Variants in GALNT5 observed in about 807,000 individuals in gnomAD.
GALNT5 encodes the protein polypeptide N-acetylgalactosaminyltransferase 5, also known as UDP-GalNAc:polypeptide N-acetylgalactosaminyltransferase 5.
A neutral mutation model predicts 85.4 loss-of-function variants in GALNT5; 72 were observed. The observed-to-expected ratio is 0.84, with a 90% CI of 0.70 to 1.03. The LOEUF (loss-of-function observed/expected upper bound fraction) is 1.03. Among genes scored for constraint, GALNT5 ranks in the 50% least tolerant of loss-of-function variants. The pLI, the probability that GALNT5 is intolerant of heterozygous loss-of-function variation, is 0.00. For synonymous variants in GALNT5, 404 were observed against 397.0 expected (o/e 1.02, Z -0.21); for missense variants, 1,137 against 1,135.5 (o/e 1.00, Z -0.02).
At chr2:157,301,910 T>C (rs917288596) in intron 7 of GALNT5, among the ~76,000 whole-genome samples, 1 of 152,146 alleles carries the variant, frequency 6.6e-6, no homozygotes, top group African/African-American at 2.4e-5. Context: ...AGTACAAGGC[T>C]GAGAAAACAT....
At chr2:157,272,220 T>C (rs1682604710) in intron 1 of GALNT5, among the ~76,000 whole-genome samples, 1 of 152,158 alleles carries the variant, frequency 6.6e-6, no homozygotes, top group South Asian at 2.1e-4. Context: ...AATATGATTC[T>C]GTCCATGTCT....
intron 1 of GALNT5, among the ~76,000 whole-genome samples, chr2:157,275,518 T>C (rs1682703617): frequency 6.6e-6 from 1 of 152,226 alleles, no homozygotes; most frequent in African/African-American, 2.4e-5. Context: ...TGGTTTGTAT[T>C]TCTCCTTGAA....
intron 1 of GALNT5, among the ~76,000 whole-genome samples, chr2:157,267,170 T>C (rs945781028): frequency 3.5e-4 from 53 of 151,430 alleles, no homozygotes; most frequent in African/African-American, 1.2e-3. Flanking sequence ...CCTGAAAGAG[T>C]AGAGAGTCAG....
Position 157,317,193 on chromosome 2 carries a change from TA to T in GALNT5, c.*5846del, listed in dbSNP as rs1183918015. ...GTGTGTGTATATATATATATATATA[TA>T]TATATTTTTTTTTTTGATGCTTTGA... On this transcript the variant is annotated 3_prime_UTR_variant, in exon 10 of 10. Transcript: ENST00000259056. Among the ~76,000 whole-genome samples the T allele has an allele frequency of 0.021, 2,916 of 139,146 alleles. 76 individuals are homozygous for T. Among genetic ancestry groups the T allele is most frequent in the African/African-American group, 0.076 (2,736 of 35,780 alleles). The allele number at this position is 139,146 out of a possible 152,430, so 91.3% of individuals were successfully genotyped here. A position where few individuals can be genotyped will look rare whatever the true frequency, so the allele number is the denominator to read the frequency against.
intron 1 of GALNT5, among the ~76,000 whole-genome samples, chr2:157,275,794 T>C (rs1425480218): frequency 6.6e-6 from 1 of 152,206 alleles, no homozygotes; most frequent in Non-Finnish European, 1.5e-5. Flanking sequence ...GACTTCTTCT[T>C]TTCCTAATTG....
At chr2:157,262,024 T>A (rs1682352524) in intron 1 of GALNT5, among the ~76,000 whole-genome samples, 1 of 152,114 alleles carries the variant, frequency 6.6e-6, no homozygotes, top group Non-Finnish European at 1.5e-5. Flanking sequence ...ACTGTAAGAA[T>A]ACAGGAGGGC....
At chr2:157,273,630 C>CTGTTTTTT (rs1682644900) in intron 1 of GALNT5, among the ~76,000 whole-genome samples, 1 of 23,750 alleles carries the variant, frequency 4.2e-5, no homozygotes, top group African/African-American at 3.3e-4. Context: ...ATATTTCTTG[C>CTGTTTTTT]TTTTTTTTTT....
At chr2:157,275,494 A>G (rs1433004358) in intron 1 of GALNT5, among the ~76,000 whole-genome samples, 1 of 150,862 alleles carries the variant, frequency 6.6e-6, no homozygotes, top group Non-Finnish European at 1.5e-5. Context: ...TTTGTGTCCT[A>G]TTTCATTGAG....
Position 157,317,198 on chromosome 2 carries a change from A to ATTT in GALNT5, c.*5859_*5861dup, listed in dbSNP as rs1288089376. Among the ~76,000 whole-genome samples, 115 of 132,972 alleles carry ATTT rather than the reference A, an allele frequency of 8.6e-4. 1 individual carries two copies. The highest frequency in any genetic ancestry group is 2.9e-3 in the African/African-American group (102 of 35,570). 87.2% of individuals were successfully genotyped at this position (132,972 alleles called of 152,430 possible). A position where few individuals can be genotyped will look rare whatever the true frequency, so the allele number is the denominator to read the frequency against. ...TGTATATATATATATATATATATAT[A>ATTT]TTTTTTTTTTTGATGCTTTGATCTG... On this transcript the variant is annotated 3_prime_UTR_variant, in exon 10 of 10. Coordinates refer to ENST00000259056, the MANE Select transcript of GALNT5 (RefSeq NM_014568.3).
Position 157,258,535 on chromosome 2 carries a change from T to C in GALNT5, c.453T>C (p.Pro151=), listed in dbSNP as rs140329035. The part of the protein sequence containing the change: ...KQKTDGRGTK[P]EASSHQGTPK... ...AGACAGACGGGAGAGGCACCAAACC[T>C]GAAGCCTCCTCTCACCAGGGGACAC... The change falls in exon 1 of 10, where the codon CCT becomes CCC. Residue 151 remains proline (P), a synonymous_variant. Transcript: ENST00000259056. 3.6e-4 allele frequency: 588 copies of C among 1,612,746 alleles called. 1 individual carries two copies. The African/African-American group carries it at 6.8e-3, about 19-fold the overall frequency.
rs193224914 is a variant in GALNT5 at position 157,290,389 on chromosome 2, T to C, written c.1741+4255T>C. ...TACATCCAATGCTGGGAAGTACACC[T>C]GTCCCCTGTGGGGAATTCAAGGCAA... is the stretch of plus-strand genomic sequence containing the variant. On this transcript the variant is annotated intron_variant, in intron 3 of 9. Transcript: ENST00000259056. Among the ~76,000 whole-genome samples, 2 of 152,138 alleles carry C rather than the reference T, an allele frequency of 1.3e-5. 1 individual carries two copies. The highest frequency in any genetic ancestry group is 3.9e-4 in the East Asian group (2 of 5,154).
Position 157,312,111 on chromosome 2 carries a change from A to T in GALNT5, c.*763A>T, listed in dbSNP as rs1052091210. On this transcript the variant is annotated 3_prime_UTR_variant, in exon 10 of 10. Transcript: ENST00000259056. Reference sequence around the variant, plus strand: ...CCAATAACTTCCTAGATTCATGTGGATTTTTTTTAAGGCAATGAAAAAAGG... The same window carrying T: ...CCAATAACTTCCTAGATTCATGTGGTTTTTTTTTAAGGCAATGAAAAAAGG... 2.6e-5 allele frequency: 4 copies of T among 151,896 alleles called. No individual in the cohort carries two copies. The highest frequency in any genetic ancestry group is 4.4e-5 in the Non-Finnish European group (3 of 67,946). 9.4% of individuals were successfully genotyped at this position (151,896 alleles called of 1,614,324 possible).
chr2:157,262,029 G>A (rs1682352596), intron 1 of GALNT5, among the ~76,000 whole-genome samples: 1 of 152,108 alleles, frequency 6.6e-6, no homozygotes, highest in Non-Finnish European at 1.5e-5. Flanking sequence ...AAGAATACAG[G>A]AGGGCTAGCT....
At position 157,269,780 on chromosome 2, in the gene GALNT5, G is replaced by C. The variant is rs146590546; in HGVS notation, c.1454+10244G>C. ...AAAACTCTACTAATTTAAAATATAG[G>C]AAGAGTCATTTGCATGAGCCTGCTT... On this transcript the variant is annotated intron_variant, in intron 1 of 9. Transcript: ENST00000259056. Among the ~76,000 whole-genome samples the C allele has an allele frequency of 1.6e-3, 240 of 152,000 alleles. 2 individuals are homozygous for C. The highest frequency in any genetic ancestry group is 0.014 in the Middle Eastern group (4 of 294).
chr2:157,304,283 T>C (rs1050489266), intron 7 of GALNT5, among the ~76,000 whole-genome samples: 3 of 152,238 alleles, frequency 2.0e-5, no homozygotes, highest in African/African-American at 7.2e-5. Flanking sequence ...ATATTTGTCA[T>C]TTTAAATTGC....
At chr2:157,266,574 T>C (rs983018930) in intron 1 of GALNT5, among the ~76,000 whole-genome samples, 7 of 152,150 alleles carry the variant, frequency 4.6e-5, no homozygotes, top group African/African-American at 1.2e-4. Context: ...TGTAGACTTA[T>C]GTGTGTGTGT....
chr2:157,317,203 T>A lies in GALNT5; in HGVS notation c.*5855T>A, dbSNP rs1320548085. Among the ~76,000 whole-genome samples, 73 of 147,890 alleles carry A rather than the reference T, an allele frequency of 4.9e-4. No homozygotes were observed. Among genetic ancestry groups the A allele is most frequent in the African/African-American group, 1.8e-3 (72 of 40,874 alleles). On this transcript the variant is annotated 3_prime_UTR_variant, in exon 10 of 10. Coordinates refer to ENST00000259056, the MANE Select transcript of GALNT5 (RefSeq NM_014568.3). ...ATATATATATATATATATATATTTT[T>A]TTTTTTGATGCTTTGATCTGGAAGA... is the stretch of plus-strand genomic sequence containing the variant.
intron 3 of GALNT5, among the ~76,000 whole-genome samples, chr2:157,291,832 G>A (rs1365850862): frequency 2.0e-5 from 3 of 151,970 alleles, no homozygotes; most frequent in African/African-American, 7.3e-5. Flanking sequence ...GCACTATAGG[G>A]TCACTATAGT....
chr2:157,295,604 A>T (rs1683195574), intron 3 of GALNT5, 59 bp from the exon 4 acceptor site: 3 of 1,363,614 alleles, frequency 2.2e-6, no homozygotes, highest in South Asian at 2.5e-5. Flanking sequence ...TTGAACATGA[A>T]GTACACACAT....
Sources: gnomAD v4.1 joint callset for allele counts (sites outside exome capture counted in the v4.1 genomes callset) on GRCh38, gnomAD v4.1.1 for gene constraint, MANE v1.5 for transcripts, NCBI Gene and HGNC (gene_info 2026-07-23, HGNC 2026-07-21) for gene names.